POC1B: variants seen among roughly 807,000 people sequenced by gnomAD.
POC1B encodes POC1 centriolar protein homolog B.
A neutral mutation model predicts 60.6 loss-of-function variants in POC1B; 44 were observed. The observed-to-expected ratio is 0.73, with a 90% CI of 0.57 to 0.93. The LOEUF (loss-of-function observed/expected upper bound fraction) is 0.93, where lower values mean the gene tolerates loss of function less well. Among genes scored for constraint, POC1B ranks in the 40% least tolerant of loss-of-function variants. POC1B has a pLI of 0.00. For missense variants in POC1B, 555 were observed against 572.3 expected (o/e 0.97, Z 0.31); for synonymous variants, 180 against 198.9 (o/e 0.90, Z 0.80).
chr12:89,441,040 ACTGCAAGGCAG>A (rs1206111653), intron 10 of POC1B, among the ~76,000 whole-genome samples: 2 of 152,210 alleles, frequency 1.3e-5, no homozygotes, highest in Non-Finnish European at 2.9e-5. Context: ...CTGAGATCGA[ACTGCAAGGCAG>A]CAGCAAGGCT....
At chr12:89,445,211 C>G (rs886593263) in intron 10 of POC1B, among the ~76,000 whole-genome samples, 1 of 152,146 alleles carries the variant, frequency 6.6e-6, no homozygotes, top group African/African-American at 2.4e-5. Flanking sequence ...AATGCCATTC[C>G]TATCAAGCTA....
At chr12:89,510,004 C>A (rs1045869648) in intron 2 of POC1B, among the ~76,000 whole-genome samples, 1 of 96,848 alleles carries the variant, frequency 1.0e-5, no homozygotes, top group African/African-American at 3.9e-5. Flanking sequence ...CGCCACCACA[C>A]TCAGTTAATT....
intron 2 of POC1B, among the ~76,000 whole-genome samples, chr12:89,508,608 A>T (rs1291635808): frequency 6.6e-6 from 1 of 152,152 alleles, no homozygotes; most frequent in Non-Finnish European, 1.5e-5. Flanking sequence ...TTCCCTTTGG[A>T]ATTAATTAGT....
the POC1B span, among the ~76,000 whole-genome samples, chr12:89,403,900 A>T: frequency 2.6e-5 from 4 of 152,180 alleles, no homozygotes; most frequent in African/African-American, 9.7e-5. Context: ...TGGGAGGCCC[A>T]GGCGGGAGGA....
chr12:89,493,917 A>T (rs1354005653), intron 3 of POC1B, among the ~76,000 whole-genome samples: 1 of 152,108 alleles, frequency 6.6e-6, no homozygotes, highest in African/African-American at 2.4e-5. Context: ...CCTCATCTTA[A>T]CTTAATATAG....
intron 2 of POC1B, chr12:89,500,455 G>A: frequency 6.4e-7 from 1 of 1,564,184 alleles, no homozygotes; most frequent in Non-Finnish European, 8.8e-7. Context: ...AGAAAATTCT[G>A]GCAACTGATG....
At chr12:89,459,607 TGTC>T in intron 10 of POC1B, 28 bp downstream of exon 10, 1 of 953,940 alleles carries the variant, frequency 1.0e-6, no homozygotes, top group Non-Finnish European at 1.5e-6. Context: ...GCCACTTAAG[TGTC>T]AAAAAAAAAA....
intron 2 of POC1B, among the ~76,000 whole-genome samples, chr12:89,514,590 T>C (rs1870360305): frequency 6.6e-6 from 1 of 151,792 alleles, no homozygotes; most frequent in Non-Finnish European, 1.5e-5. Context: ...TTATTTTTAG[T>C]AGAGACGGGG....
intron 2 of POC1B, among the ~76,000 whole-genome samples, chr12:89,507,912 C>T (rs1369182799): frequency 6.6e-6 from 1 of 152,186 alleles, no homozygotes; most frequent in Admixed American, 6.5e-5. Context: ...GAAATGTTAC[C>T]GTCTCCAGTT....
chr12:89,516,046 AT>A (rs1218619231), intron 2 of POC1B, among the ~76,000 whole-genome samples: 1 of 152,134 alleles, frequency 6.6e-6, no homozygotes, highest in Admixed American at 6.5e-5. Context: ...AACACTATAA[AT>A]TTGATAACTA....
chr12:89,413,874 G>GTTTATTTATTTA, the POC1B span, among the ~76,000 whole-genome samples: 9 of 151,646 alleles, frequency 5.9e-5, no homozygotes, highest in African/African-American at 2.2e-4. Context: ...TTATTTATTT[G>GTTTATTTATTTA]TTTATTTATT....
chr12:89,419,319 A>AAAAT (rs763273463), downstream of POC1B, among the ~76,000 whole-genome samples: 3 of 152,270 alleles, frequency 2.0e-5, no homozygotes, highest in South Asian at 2.1e-4. Context: ...TCAAATGCTA[A>AAAAT]AAATAAATAA....
intron 4 of POC1B, among the ~76,000 whole-genome samples, chr12:89,475,842 G>T (rs982300828): frequency 4.7e-5 from 7 of 149,524 alleles, no homozygotes; most frequent in African/African-American, 1.7e-4. Flanking sequence ...AGGCATATGA[G>T]AAGTTAGCTG....
intron 2 of POC1B, among the ~76,000 whole-genome samples, chr12:89,499,614 A>C (rs61482297): frequency 6.9e-6 from 1 of 145,146 alleles, no homozygotes; most frequent in Non-Finnish European, 1.6e-5. Flanking sequence ...GACAATAAGG[A>C]AAGGATTTTT....
chr12:89,468,792 C>T (rs889130082), intron 7 of POC1B, among the ~76,000 whole-genome samples: 5 of 152,012 alleles, frequency 3.3e-5, no homozygotes, highest in African/African-American at 7.2e-5. Flanking sequence ...GGAAGCCAGG[C>T]AGAACCTGTG....
At position 89,524,509 on chromosome 12, in the gene POC1B, A is replaced by G. The variant is rs1174747425; in HGVS notation, c.100+611T>C. ...ATAGGCCACTGTTAAAAACGCCAGC[A>G]GCAGGCAGCTCTTGCCTGCCCAAGT... On this transcript the variant is annotated intron_variant, in intron 2 of 11. Transcript: ENST00000313546. 1.2e-6 allele frequency: 2 copies of G among 1,612,404 alleles called. No homozygotes were observed. The highest frequency in any genetic ancestry group is 2.2e-5 in the South Asian group (2 of 91,042).
intron 2 of POC1B, among the ~76,000 whole-genome samples, chr12:89,499,267 G>A (rs1174378714): frequency 3.3e-5 from 5 of 152,184 alleles, no homozygotes; most frequent in South Asian, 4.1e-4. Flanking sequence ...ACCAAATACC[G>A]TATGTTCTCA....
intron 2 of POC1B, chr12:89,524,396 G>C: frequency 6.2e-7 from 1 of 1,614,012 alleles, no homozygotes; most frequent in Non-Finnish European, 8.5e-7. Context: ...TTTTTCTGGA[G>C]GTCTGAGAGC....
At chr12:89,431,137 A>G (rs983813920) in intron 10 of POC1B, among the ~76,000 whole-genome samples, 1 of 152,134 alleles carries the variant, frequency 6.6e-6, no homozygotes, top group African/African-American at 2.4e-5. Flanking sequence ...ACATGTAAAG[A>G]TAATCAGTGA....
Sources: gnomAD v4.1 joint callset for allele counts (sites outside exome capture counted in the v4.1 genomes callset) on GRCh38, gnomAD v4.1.1 for gene constraint, MANE v1.5 for transcripts, NCBI Gene and HGNC (gene_info 2026-07-23, HGNC 2026-07-21) for gene names.